The following SMO variants were observed in gnomAD, a reference collection of about 807,000 sequenced individuals.
The protein encoded by SMO is smoothened, frizzled class receptor.
In SMO, 40 loss-of-function variants were observed where a neutral mutation model predicts 81.6. That is an observed-to-expected ratio of 0.49 (90% CI 0.38 to 0.64). SMO has a LOEUF of 0.64. Ranked by LOEUF, SMO falls within the 30% of genes least tolerant of loss-of-function variation. SMO has a pLI of 0.00. For missense variants in SMO, 916 were observed against 1,061.1 expected, an observed-to-expected ratio of 0.86 and a Z score of 1.90; for synonymous variants, 434 against 432.1, an observed-to-expected ratio of 1.00 and a Z score of -0.05.
Position 129,206,388 on chromosome 7 carries a change from A to C in SMO, c.1140+19A>C, listed in dbSNP as rs1283254568. 6 of 1,613,962 alleles carry C rather than the reference A, an allele frequency of 3.7e-6. No individual in the cohort carries two copies. The highest frequency in any genetic ancestry group is 5.1e-6 in the Non-Finnish European group (6 of 1,179,966). On this transcript the variant is annotated intron_variant, in intron 5 of 11. Coordinates refer to ENST00000249373, the MANE Select transcript of SMO (RefSeq NM_005631.5). The surrounding 1 kb of genome is among the most constrained non-coding windows in gnomAD (Gnocchi z 4.4). ...GGCGCAGGTATAGTGACTGGTAGGAACGGGAGACCTGGATGGGGTGAGTTT... is the reference window on the plus strand; with the variant it reads ...GGCGCAGGTATAGTGACTGGTAGGACCGGGAGACCTGGATGGGGTGAGTTT...
chr7:129,193,785 A>AAT (rs71526088), intron 1 of SMO, among the ~76,000 whole-genome samples: 2,050 of 26,320 alleles, frequency 0.078, 199 homozygotes, highest in Non-Finnish European at 0.089. Context: ...AAAAAAAAAA[A>AAT]ATATATATAT....
Position 129,209,697 on chromosome 7 carries a change from C to T in SMO, c.1466+300C>T, listed in dbSNP as rs758099499. ...GTCTTCTCTGACTGACACTAAGTTG[C>T]CCTCTAATTCTGTGTGCTCTCCTGC... On this transcript the variant is annotated intron_variant, in intron 8 of 11. Transcript: ENST00000249373. 25 of 347,972 alleles carry T rather than the reference C, an allele frequency of 7.2e-5. 1 individual carries two copies. Among genetic ancestry groups the T allele is most frequent in the Non-Finnish European group, 1.0e-4 (19 of 186,446 alleles). The allele number at this position is 347,972 out of a possible 1,614,324, so 21.6% of individuals were successfully genotyped here. A position where few individuals can be genotyped will look rare whatever the true frequency, so the allele number is the denominator to read the frequency against.
At position 129,189,126 on chromosome 7, in the gene SMO, C is replaced by G. The variant is rs1793441893; in HGVS notation, c.-26C>G. The stretch of plus-strand genomic sequence containing the variant: ...CGAGGAGCAGGCGGGGGCGCCGGGG[C>G]TTTTGCTGAGTTGGCGGGGTTGGCC... On this transcript the variant is annotated 5_prime_UTR_variant, in exon 1 of 12. Coordinates refer to ENST00000249373, the MANE Select transcript of SMO (RefSeq NM_005631.5). The surrounding 1 kb of genome is among the most constrained non-coding windows in gnomAD (Gnocchi z 4.7). 7 of 1,201,984 alleles carry G rather than the reference C, an allele frequency of 5.8e-6. No individual in the cohort carries two copies. The East Asian group carries it at 2.3e-4, about 40-fold the overall frequency. 74.5% of individuals were successfully genotyped at this position (1,201,984 alleles called of 1,614,324 possible).
chr7:129,204,188 C>T (rs928314171), intron 2 of SMO, among the ~76,000 whole-genome samples: 1 of 151,856 alleles, frequency 6.6e-6, no homozygotes, highest in African/African-American at 2.4e-5. Context: ...CAAACATAAG[C>T]CTGATGTCAT....
rs1471540923 is a variant in SMO, at chr7:129,203,550, C to G, written c.498C>G (p.Phe166Leu). 3 of 1,604,654 alleles carry G rather than the reference C, an allele frequency of 1.9e-6. No homozygotes were observed. The highest frequency in any genetic ancestry group is 2.5e-6 in the Non-Finnish European group (3 of 1,179,716). ...AGAGGGAGCGGGGCTGGCCTGACTT[C>G]CTGCGCTGCACTCCTGACCGCTTCC... ...IVERERGWPD[F>L]LRCTPDRFPE... is the part of the protein sequence containing the mutation. The change falls in exon 2 of 12, where the codon TTC becomes TTG. Residue 166 changes from phenylalanine to leucine, a missense_variant. Coordinates refer to ENST00000249373, the MANE Select transcript of SMO (RefSeq NM_005631.5).
rs1269587389 is a variant in SMO, at chr7:129,210,252, T to C, written c.1467-111T>C. 9 of 850,272 alleles carry C rather than the reference T, an allele frequency of 1.1e-5. No individual in the cohort carries two copies. The highest frequency in any genetic ancestry group is 1.5e-5 in the Non-Finnish European group (8 of 529,210). The allele number at this position is 850,272 out of a possible 1,614,324, so 52.7% of individuals were successfully genotyped here. ...CCCAGGAGTTGGAAGCTGCAGTGGG[T>C]TGTGATCACGCCACCGCACTCTAGC... On this transcript the variant is annotated intron_variant, in intron 8 of 11. Coordinates refer to ENST00000249373, the MANE Select transcript of SMO (RefSeq NM_005631.5). This position sits in a 1 kb window ranked among gnomAD's most constrained non-coding sequence, Gnocchi z 4.7.
In SMO at chr7:129,203,524, G is replaced by T. The variant is rs748690872; in HGVS notation, c.472G>T (p.Glu158Ter). 3.1e-6 allele frequency: 5 copies of T among 1,607,624 alleles called. No homozygotes were observed. Among genetic ancestry groups the T allele is most frequent in the Non-Finnish European group, 3.4e-6 (4 of 1,179,582 alleles). The change falls in exon 2 of 12, where the codon GAG becomes TAG. Residue 158 changes from glutamate (E) to a stop codon, truncating the protein, a stop_gained. Transcript: ENST00000249373. LOFTEE classifies it high-confidence loss of function. ...QATRGPCAIV[E>*]RERGWPDFLR... Reference sequence around the variant, plus strand: ...CACCCGAGGCCCCTGTGCCATCGTGGAGAGGGAGCGGGGCTGGCCTGACTT... The same window carrying T: ...CACCCGAGGCCCCTGTGCCATCGTGTAGAGGGAGCGGGGCTGGCCTGACTT...
chr7:129,206,468 A>T lies in SMO; in HGVS notation c.1145A>T (p.Asp382Val), dbSNP rs1247814517. 1 of 1,613,978 alleles carries T rather than the reference A, an allele frequency of 6.2e-7. No individual in the cohort carries two copies. Among genetic ancestry groups the T allele is most frequent in the Non-Finnish European group, 8.5e-7 (1 of 1,179,924 alleles). ...TCCCACCCCTTCCTGCTGCAGGTGG[A>T]TGGGGACTCTGTGAGTGGGATTTGT... ...TVAILAVAQV[D>V]GDSVSGICFV... Residue 382 changes from aspartate to valine, a missense_variant, in exon 6 of 12, where the codon GAT (aspartate) becomes GTT (valine). Physicochemically the swap from Asp to Val is radical, Grantham distance 152. Coordinates refer to ENST00000249373, the MANE Select transcript of SMO (RefSeq NM_005631.5). The surrounding 1 kb of genome is among the most constrained non-coding windows in gnomAD (Gnocchi z 4.4).
Position 129,208,676 on chromosome 7 carries a change from T to C in SMO, c.1265-83T>C. 1.2e-6 allele frequency: 1 copy of C among 830,958 alleles called. No homozygotes were observed. Among genetic ancestry groups the C allele is most frequent in the South Asian group, 1.4e-5 (1 of 70,192 alleles). The allele number at this position is 830,958 out of a possible 1,614,324, so 51.5% of individuals were successfully genotyped here. On this transcript the variant is annotated intron_variant, in intron 6 of 11. Transcript: ENST00000249373. The surrounding 1 kb of genome is among the most constrained non-coding windows in gnomAD (Gnocchi z 5.2). ...TAATCAGACTTGGGACTCCAGAGCC[T>C]TAGGACCCTCCTCCCACTCACCCAT...
Position 129,205,612 on chromosome 7 carries a change from C to T in SMO, c.750C>T (p.Ala250=), listed in dbSNP as rs1350787394. ...VTGLCTLFTL[A]TFVADWRNSN... ...AATGGCCCACTTCTCTCTTCTAGGC[C>T]ACATTCGTGGCTGACTGGCGGAACT... The change falls in exon 4 of 12, where the codon GCC becomes GCT. Residue 250 remains alanine (A), a splice_region_variant and synonymous_variant. Coordinates refer to ENST00000249373, the MANE Select transcript of SMO (RefSeq NM_005631.5). 1.9e-6 allele frequency: 3 copies of T among 1,613,056 alleles called. No individual in the cohort carries two copies. The highest frequency in any genetic ancestry group is 1.3e-5 in the African/African-American group (1 of 74,928).
chr7:129,201,093 C>T (rs1443318291), intron 1 of SMO, among the ~76,000 whole-genome samples: 1 of 152,240 alleles, frequency 6.6e-6, no homozygotes, highest in Admixed American at 6.5e-5. Context: ...GTCGCCTAGG[C>T]TGGAGTGCAG....
At position 129,206,212 on chromosome 7, in the gene SMO, G is replaced by C. The variant is rs1260869369; in HGVS notation, c.983G>C (p.Gly328Ala). Reference protein sequence around the residue: ...FVIVYYALMAGVVWFVVLTYA... With the variant: ...FVIVYYALMAAVVWFVVLTYA... ...ATCGTGTACTACGCCCTGATGGCTG[G>C]TGTGGTTTGGTTTGTGGTCCTCACC... The change falls in exon 5 of 12, where the codon GGT becomes GCT. Residue 328 changes from glycine (G) to alanine (A), a missense_variant. Transcript: ENST00000249373. The surrounding 1 kb of genome is among the most constrained non-coding windows in gnomAD (Gnocchi z 4.4). The C allele has an allele frequency of 1.2e-6, 2 of 1,614,048 alleles. No homozygotes were observed. Among genetic ancestry groups the C allele is most frequent in the Non-Finnish European group, 1.7e-6 (2 of 1,179,948 alleles).
At chr7:129,193,678 G>A (rs1376324199) in intron 1 of SMO, among the ~76,000 whole-genome samples, 2 of 142,314 alleles carry the variant, frequency 1.4e-5, no homozygotes. Context: ...AGAATGGCGG[G>A]AACCCGGGAG....
At chr7:129,201,233 G>A (rs1338220760) in intron 1 of SMO, among the ~76,000 whole-genome samples, 2 of 151,880 alleles carry the variant, frequency 1.3e-5, no homozygotes, top group African/African-American at 4.8e-5. Flanking sequence ...TTTTAGTAGA[G>A]ACAGGGTTTC....
intron 1 of SMO, among the ~76,000 whole-genome samples, chr7:129,202,105 A>G (rs553981576): frequency 2.5e-4 from 38 of 152,324 alleles, no homozygotes; most frequent in African/African-American, 8.4e-4. Context: ...GGCCTCAGAC[A>G]AATAATCATA....
At position 129,188,830 on chromosome 7, in the gene SMO, A is replaced by C; in HGVS notation, c.-322A>C. The C allele has an allele frequency of 4.4e-6, 1 of 227,956 alleles. No homozygotes were observed. The highest frequency in any genetic ancestry group is 8.6e-6 in the Non-Finnish European group (1 of 116,040). 14.1% of individuals were successfully genotyped at this position (227,956 alleles called of 1,614,324 possible). Reference sequence around the variant, plus strand: ...GCGGGGAGGTGGCTTTAATGGTGGGAGAGGGAATGGGGCTGGGGATTGGGG... The same window carrying C: ...GCGGGGAGGTGGCTTTAATGGTGGGCGAGGGAATGGGGCTGGGGATTGGGG... On this transcript the variant is annotated 5_prime_UTR_variant, in exon 1 of 12. Coordinates refer to ENST00000249373, the MANE Select transcript of SMO (RefSeq NM_005631.5). The surrounding 1 kb of genome is among the most constrained non-coding windows in gnomAD (Gnocchi z 4.9).
chr7:129,209,398 G>A lies in SMO; in HGVS notation c.1466+1G>A, dbSNP rs1584664512. On this transcript the variant is annotated splice_donor_variant, in intron 8 of 11. Transcript: ENST00000249373. LOFTEE classifies it high-confidence loss of function. ...AGCGCAGCTTCCGGGACTATGTGCT[G>A]TGAGTGAGGGGCATGGAGGCGGCAG... The A allele has an allele frequency of 1.3e-6, 2 of 1,598,436 alleles. No individual in the cohort carries two copies. The highest frequency in any genetic ancestry group is 1.7e-6 in the Non-Finnish European group (2 of 1,165,822).
intron 1 of SMO, among the ~76,000 whole-genome samples, chr7:129,196,484 T>G (rs1417943834): frequency 6.6e-6 from 1 of 152,058 alleles, no homozygotes; most frequent in African/African-American, 2.4e-5. Context: ...TGGTGATTTT[T>G]TATTGGGATT....
At chr7:129,195,683 G>A (rs1793561263) in intron 1 of SMO, among the ~76,000 whole-genome samples, 1 of 152,104 alleles carries the variant, frequency 6.6e-6, no homozygotes, top group African/African-American at 2.4e-5. Flanking sequence ...CAATAAATAA[G>A]ATCTGGTGCA....
Sources: gnomAD v4.1 joint callset for allele counts (sites outside exome capture counted in the v4.1 genomes callset) on GRCh38, gnomAD v4.1.1 for gene constraint, Gnocchi (gnomAD v3.1) non-coding constraint, MANE v1.5 for transcripts, NCBI Gene and HGNC (gene_info 2026-07-23, HGNC 2026-07-21) for gene names.